Variants in CACNA1B observed in about 807,000 individuals in gnomAD.
CACNA1B encodes calcium voltage-gated channel subunit alpha1 B.
In CACNA1B, 70 loss-of-function variants were observed where a neutral mutation model predicts 247.2. The observed-to-expected ratio is 0.28, with a 90% confidence interval of 0.23 to 0.35. The LOEUF is 0.35. CACNA1B is among the 10% of genes least tolerant of loss of function. CACNA1B has a pLI of 1.00. For synonymous variants in CACNA1B, 1,231 were observed against 1,294.4 expected, an observed-to-expected ratio of 0.95 and a Z score of 1.05; for missense variants, 2,367 against 3,197.4, an observed-to-expected ratio of 0.74 and a Z score of 6.26.
intron 32 of CACNA1B, among the ~76,000 whole-genome samples, chr9:138,070,957 G>A (rs1490965258): frequency 6.6e-6 from 1 of 152,250 alleles, no homozygotes; most frequent in African/African-American, 2.4e-5. Context: ...CACAGATCGG[G>A]GTGGGGTGCC....
chr9:137,978,015 C>A (rs186084899), intron 12 of CACNA1B, among the ~76,000 whole-genome samples: 23 of 147,066 alleles, frequency 1.6e-4, no homozygotes, highest in Admixed American at 1.4e-3. Flanking sequence ...GGAGCACTGC[C>A]CCCCCAGGAA....
chr9:137,913,054 G>T lies in CACNA1B; in HGVS notation c.531-126G>T. 3 of 721,754 alleles carry T rather than the reference G, an allele frequency of 4.2e-6. No individual in the cohort carries two copies. Among genetic ancestry groups the T allele is most frequent in the Non-Finnish European group, 7.2e-6 (3 of 417,320 alleles). The allele number at this position is 721,754 out of a possible 1,614,324, so 44.7% of individuals were successfully genotyped here. A position where few individuals can be genotyped will look rare whatever the true frequency, so the allele number is the denominator to read the frequency against. ...CAGGTGCTGGCCCTGTGGTTGGACA[G>T]TGGGGACACAGGAATGAAGGTGTCA... On this transcript the variant is annotated intron_variant, in intron 3 of 46. Coordinates refer to ENST00000371372, the MANE Select transcript of CACNA1B (RefSeq NM_000718.4). The surrounding 1 kb of genome is among the most constrained non-coding windows in gnomAD (Gnocchi z 5.2).
intron 36 of CACNA1B, among the ~76,000 whole-genome samples, chr9:138,094,236 G>GT (rs891044245): frequency 2.6e-5 from 4 of 152,088 alleles, no homozygotes; most frequent in Non-Finnish European, 4.4e-5. Context: ...CATCGAGACA[G>GT]TAAGTAGAAT....
Position 138,121,848 on chromosome 9 carries a change from G to T in CACNA1B, c.6869G>T (p.Arg2290Leu), listed in dbSNP as rs76756995. The T allele has an allele frequency of 6.8e-6, 11 of 1,613,202 alleles. No individual in the cohort carries two copies. Among genetic ancestry groups the T allele is most frequent in the Non-Finnish European group, 9.3e-6 (11 of 1,179,874 alleles). ...GAGGCTGTGGCCACCAACTCGGGCC[G>T]CTCCTCCAGGACTTCCTACGTGTCC... is the stretch of plus-strand genomic sequence containing the variant. ...FEEAVATNSG[R>L]SSRTSYVSSL... Residue 2290 changes from arginine (R) to leucine (L), a missense_variant, in exon 47 of 47, where the codon CGC (arginine) becomes CTC (leucine). By Grantham distance (102) the Arg-to-Leu change is moderately radical. Around this residue, in one of 12 missense-constraint regions of CACNA1B, gnomAD observed 773 missense variants for 779.4 expected, o/e 0.99. Coordinates refer to ENST00000371372, the MANE Select transcript of CACNA1B (RefSeq NM_000718.4). This position sits in a 1 kb window ranked among gnomAD's most constrained non-coding sequence, Gnocchi z 6.8.
rs1338791757 is a variant in CACNA1B at position 138,054,072 on chromosome 9, C to T, written c.3968+66C>T. 6 of 1,488,468 alleles carry T rather than the reference C, an allele frequency of 4.0e-6. No homozygotes were observed. The highest frequency in any genetic ancestry group is 1.4e-5 in the African/African-American group (1 of 72,638). The allele number at this position is 1,488,468 out of a possible 1,614,324, so 92.2% of individuals were successfully genotyped here. ...TGATGCAGACAACACTGGGAGTTCC[C>T]TTGGGACCAGGTGGAGCTGGTCACA... On this transcript the variant is annotated intron_variant, in intron 26 of 46. Coordinates refer to ENST00000371372, the MANE Select transcript of CACNA1B (RefSeq NM_000718.4). The surrounding 1 kb of genome is among the most constrained non-coding windows in gnomAD (Gnocchi z 4.6).
chr9:138,090,825 A>G (rs901424431), intron 36 of CACNA1B, among the ~76,000 whole-genome samples: 3 of 151,912 alleles, frequency 2.0e-5, no homozygotes, highest in African/African-American at 7.3e-5. Context: ...AGTGCTCAAC[A>G]TCTCTAATCA....
At chr9:138,043,722 G>GTGGGC in intron 20 of CACNA1B, 52 bp from the exon 21 acceptor site, 1 of 1,607,210 alleles carries the variant, frequency 6.2e-7, no homozygotes, top group South Asian at 1.1e-5. Context: ...GCCACGCAAC[G>GTGGGC]TGGGCTTCAT....
rs780360630 is a variant in CACNA1B at position 138,058,046 on chromosome 9, C to T, written c.4107-3C>T. ...CCTGACACTTGCTCTCCTCTTTGCC[C>T]AGGGTGCTGAAACACTCCGTGGATG... is the stretch of plus-strand genomic sequence containing the variant. On this transcript the variant is annotated splice_region_variant and splice_polypyrimidine_tract_variant and intron_variant, in intron 27 of 46. Coordinates refer to ENST00000371372, the MANE Select transcript of CACNA1B (RefSeq NM_000718.4). This position sits in a 1 kb window ranked among gnomAD's most constrained non-coding sequence, Gnocchi z 4.7. 8.7e-6 allele frequency: 14 copies of T among 1,612,806 alleles called. No homozygotes were observed. Among genetic ancestry groups the T allele is most frequent in the Non-Finnish European group, 1.2e-5 (14 of 1,178,886 alleles).
At chr9:137,903,945 G>A (rs1957268470) in intron 3 of CACNA1B, among the ~76,000 whole-genome samples, 1 of 152,264 alleles carries the variant, frequency 6.6e-6, no homozygotes, top group Non-Finnish European at 1.5e-5. Context: ...GGTTCTGGGT[G>A]CCAGTGCACA....
At chr9:138,006,058 A>G (rs961539426) in intron 15 of CACNA1B, among the ~76,000 whole-genome samples, 7 of 151,510 alleles carry the variant, frequency 4.6e-5, no homozygotes, top group Admixed American at 6.6e-5. Context: ...AAAAAAAAAA[A>G]AAAGAAATTT....
intron 15 of CACNA1B, among the ~76,000 whole-genome samples, chr9:137,993,316 A>AC (rs574260147): frequency 1.8e-4 from 28 of 152,146 alleles, no homozygotes; most frequent in Non-Finnish European, 2.8e-4. Context: ...ATCTAGATAG[A>AC]TAAAATTTAA....
chr9:137,992,190 C>A (rs571292458), intron 15 of CACNA1B, among the ~76,000 whole-genome samples: 1 of 152,162 alleles, frequency 6.6e-6, no homozygotes, highest in African/African-American at 2.4e-5. Context: ...CTGCTGTCTT[C>A]GGGAGACTCA....
chr9:137,958,553 CTCGTCTGCTGA>C (rs961548405), intron 10 of CACNA1B, among the ~76,000 whole-genome samples: 2 of 152,190 alleles, frequency 1.3e-5, no homozygotes, highest in Admixed American at 6.5e-5. Flanking sequence ...TGTTCAGTTG[CTCGTCTGCTGA>C]TCGTCTGCTG....
Position 138,010,167 on chromosome 9 carries a change from C to T in CACNA1B, c.2160+90C>T, listed in dbSNP as rs1193970226. ...GAGTCTGGGTCCTGGGTTAGGGCCTCGTGTCCAGGAGCGTTGCCTTGGGTC... is the reference window on the plus strand; with the variant it reads ...GAGTCTGGGTCCTGGGTTAGGGCCTTGTGTCCAGGAGCGTTGCCTTGGGTC... On this transcript the variant is annotated intron_variant, in intron 17 of 46. Transcript: ENST00000371372. This position sits in a 1 kb window ranked among gnomAD's most constrained non-coding sequence, Gnocchi z 5.3. 2.2e-5 allele frequency: 23 copies of T among 1,038,810 alleles called. No homozygotes were observed. The highest frequency in any genetic ancestry group is 7.2e-5 in the Admixed American group (4 of 55,912). 64.3% of individuals were successfully genotyped at this position (1,038,810 alleles called of 1,614,324 possible). A position where few individuals can be genotyped will look rare whatever the true frequency, so the allele number is the denominator to read the frequency against.
intron 12 of CACNA1B, among the ~76,000 whole-genome samples, chr9:137,977,808 G>T (rs980389116): frequency 6.6e-6 from 1 of 152,152 alleles, no homozygotes; most frequent in Non-Finnish European, 1.5e-5. Flanking sequence ...CAACAAGTGG[G>T]AGTGACAAGG....
chr9:138,013,578 T>C (rs952432099), intron 18 of CACNA1B, among the ~76,000 whole-genome samples: 7 of 152,226 alleles, frequency 4.6e-5, no homozygotes, highest in Non-Finnish European at 8.8e-5. Context: ...GTTGCTTTTA[T>C]GCACAGCTTT....
At chr9:138,038,297 AT>A in intron 20 of CACNA1B, among the ~76,000 whole-genome samples, 1 of 152,220 alleles carries the variant, frequency 6.6e-6, no homozygotes, top group East Asian at 1.9e-4. Flanking sequence ...TTTGACAGTT[AT>A]CTGGTTTTCG....
Position 138,120,195 on chromosome 9 carries a change from T to C in CACNA1B, c.6061T>C (p.Ser2021Pro). 6.2e-7 allele frequency: 1 copy of C among 1,607,388 alleles called. No homozygotes were observed. Among genetic ancestry groups the C allele is most frequent in the Non-Finnish European group, 8.5e-7 (1 of 1,177,760 alleles). Residue 2021 changes from serine (S) to proline (P), a missense_variant, in exon 45 of 47, where the codon TCC becomes CCC. Transcript: ENST00000371372. ...CACAGATGCCAGCCCCATGAAGCGC[T>C]CCATCTCCACGCTGGCCCAGCGGCC... ...PVTDASPMKR[S>P]ISTLAQRPRG... is the part of the protein sequence containing the mutation.
chr9:138,058,380 C>T lies in CACNA1B; in HGVS notation c.4308+130C>T, dbSNP rs1037248418. 9.4e-6 allele frequency: 9 copies of T among 953,724 alleles called. No individual in the cohort carries two copies. Among genetic ancestry groups the T allele is most frequent in the South Asian group, 8.8e-5 (6 of 68,502 alleles). 59.1% of individuals were successfully genotyped at this position (953,724 alleles called of 1,614,324 possible). ...ACCGTCTGCCAACACAGGGGCAGGT[C>T]CTCCTTTCTCCTGCAGAGGGACCGG... On this transcript the variant is annotated intron_variant, in intron 28 of 46. Coordinates refer to ENST00000371372, the MANE Select transcript of CACNA1B (RefSeq NM_000718.4). This position sits in a 1 kb window ranked among gnomAD's most constrained non-coding sequence, Gnocchi z 4.7.
Sources: gnomAD v4.1 joint callset for allele counts (sites outside exome capture counted in the v4.1 genomes callset) on GRCh38, gnomAD v4.1.1 for gene constraint, gnomAD v4.1.1 regional missense constraint, Gnocchi (gnomAD v3.1) non-coding constraint, MANE v1.5 for transcripts, NCBI Gene and HGNC (gene_info 2026-07-23, HGNC 2026-07-21) for gene names.